PCLO: variants seen among roughly 807,000 people sequenced by gnomAD.
The protein encoded by PCLO is piccolo presynaptic cytomatrix protein, also known as protein piccolo.
A neutral mutation model predicts 427.5 loss-of-function variants in PCLO; 82 were observed. That is an observed-to-expected ratio of 0.19 (90% CI 0.16 to 0.23). The LOEUF (loss-of-function observed/expected upper bound fraction) is 0.23. Ranked by LOEUF, PCLO falls within the 10% of genes least tolerant of loss-of-function variation. PCLO has a pLI of 1.00. For synonymous variants in PCLO, 2,357 were observed against 2,155.4 expected (o/e 1.09, Z -2.59); for missense variants, 6,239 against 6,115.9 (o/e 1.02, Z -0.67).
At chr7:83,052,339 A>G (rs186606801) in intron 3 of PCLO, among the ~76,000 whole-genome samples, 1 of 152,086 alleles carries the variant, frequency 6.6e-6, no homozygotes, top group African/African-American at 2.4e-5. Flanking sequence ...AATAAAATCT[A>G]TTAAATAAAA....
chr7:82,847,548 A>G (rs1300149540), intron 10 of PCLO, among the ~76,000 whole-genome samples: 1 of 152,170 alleles, frequency 6.6e-6, no homozygotes, highest in Non-Finnish European at 1.5e-5. Flanking sequence ...TATTGAATAT[A>G]TATTGCTCAG....
At chr7:82,871,924 T>C (rs941370276) in intron 10 of PCLO, among the ~76,000 whole-genome samples, 5 of 151,790 alleles carry the variant, frequency 3.3e-5, no homozygotes, top group African/African-American at 1.2e-4. Flanking sequence ...AAAACTAAAA[T>C]ATGAACTTTC....
chr7:83,049,249 T>G (rs1014473801), intron 3 of PCLO, among the ~76,000 whole-genome samples: 3 of 152,054 alleles, frequency 2.0e-5, no homozygotes, highest in African/African-American at 7.2e-5. Flanking sequence ...GAAAAATAAA[T>G]CCACTGACCA....
Position 83,135,079 on chromosome 7 carries a change from G to A in PCLO, c.2471C>T (p.Pro824Leu). The part of the protein sequence containing the change: ...SPFDSKAIPR[P>L]ASDSKIISHP... ...TGAAATAATTTTTGAATCTGATGCA[G>A]GTCGAGGTATGGCTTTAGAATCAAA... Residue 824 changes from proline (P) to leucine (L), a missense_variant, in exon 3 of 25, where the codon CCT (proline) becomes CTT (leucine). Pro to Leu is a moderately conservative substitution (Grantham distance 98, BLOSUM62 -3). Around this residue, in one of 5 missense-constraint regions of PCLO, gnomAD observed 4,677 missense variants for 4,468.4 expected, o/e 1.05. Transcript: ENST00000333891. 1.2e-6 allele frequency: 2 copies of A among 1,613,932 alleles called. No homozygotes were observed. The highest frequency in any genetic ancestry group is 1.7e-6 in the Non-Finnish European group (2 of 1,179,870).
chr7:83,112,207 G>A (rs1221142443), intron 3 of PCLO, among the ~76,000 whole-genome samples: 1 of 151,924 alleles, frequency 6.6e-6, no homozygotes. Flanking sequence ...ACAAGTGCCC[G>A]CCACCACACC....
intron 3 of PCLO, among the ~76,000 whole-genome samples, chr7:83,060,123 G>A (rs887862956): frequency 6.6e-6 from 1 of 152,172 alleles, no homozygotes; most frequent in Admixed American, 6.5e-5. Context: ...AGACTGCAGA[G>A]ACAGCAGGTA....
chr7:82,802,001 G>T (rs1791363720), intron 21 of PCLO, among the ~76,000 whole-genome samples: 1 of 151,240 alleles, frequency 6.6e-6, no homozygotes, highest in Non-Finnish European at 1.5e-5. Context: ...AGTTTTTTTG[G>T]TAAAAAGAGC....
chr7:82,961,421 T>C (rs534607439), intron 4 of PCLO, among the ~76,000 whole-genome samples: 3 of 152,144 alleles, frequency 2.0e-5, no homozygotes, highest in African/African-American at 7.2e-5. Flanking sequence ...TTTCTCCCCA[T>C]GGGGAATGTT....
At chr7:82,930,784 C>A (rs1172821352) in intron 6 of PCLO, among the ~76,000 whole-genome samples, 3 of 152,110 alleles carry the variant, frequency 2.0e-5, no homozygotes, top group Non-Finnish European at 2.9e-5. Flanking sequence ...AAAAATGTTT[C>A]ATTAATCTTT....
intron 3 of PCLO, among the ~76,000 whole-genome samples, chr7:83,026,098 A>T (rs1375449504): frequency 2.0e-5 from 3 of 152,082 alleles, no homozygotes. Flanking sequence ...AAATTCACAC[A>T]TAACAATATT....
In PCLO at chr7:83,146,443, C is replaced by A. The variant is rs373802810; in HGVS notation, c.1893+8305G>T. Among the ~76,000 whole-genome samples the A allele has an allele frequency of 9.2e-5, 14 of 152,054 alleles. No homozygotes were observed. In the East Asian group the frequency reaches 1.2e-3, roughly 13 times the overall value. On this transcript the variant is annotated intron_variant, in intron 2 of 24. Transcript: ENST00000333891. ...ATTTCTAAATGGAGCTTATATTTATCTAAACTAAGATTAAGATACCAAGAG... is the reference window on the plus strand; with the variant it reads ...ATTTCTAAATGGAGCTTATATTTATATAAACTAAGATTAAGATACCAAGAG...
intron 3 of PCLO, among the ~76,000 whole-genome samples, chr7:82,982,972 G>A (rs985899317): frequency 2.0e-5 from 3 of 151,486 alleles, no homozygotes; most frequent in Admixed American, 2.0e-4. Flanking sequence ...TTTCTCACCT[G>A]TGATTGGGAA....
chr7:82,970,226 C>T (rs936658303), intron 3 of PCLO, among the ~76,000 whole-genome samples: 1 of 151,958 alleles, frequency 6.6e-6, no homozygotes, highest in Non-Finnish European at 1.5e-5. Context: ...GTTGAAGAGG[C>T]AAGTTGAGAT....
intron 3 of PCLO, among the ~76,000 whole-genome samples, chr7:83,039,315 T>G (rs888951498): frequency 6.6e-6 from 1 of 152,058 alleles, no homozygotes; most frequent in African/African-American, 2.4e-5. Flanking sequence ...GACTTTCCCC[T>G]ATGTTTCCTT....
At chr7:82,813,612 C>T (rs1791617557) in intron 20 of PCLO, among the ~76,000 whole-genome samples, 1 of 151,642 alleles carries the variant, frequency 6.6e-6, no homozygotes, top group East Asian at 1.9e-4. Context: ...ATAAATATTA[C>T]TAGCATGAGA....
At chr7:83,131,266 C>T (rs1791564794) in intron 3 of PCLO, among the ~76,000 whole-genome samples, 1 of 152,162 alleles carries the variant, frequency 6.6e-6, no homozygotes, top group Non-Finnish European at 1.5e-5. Flanking sequence ...GGGCATCAAT[C>T]AGTTAAACAG....
At chr7:83,084,229 G>A (rs1183152143) in intron 3 of PCLO, among the ~76,000 whole-genome samples, 1 of 151,800 alleles carries the variant, frequency 6.6e-6, no homozygotes, top group East Asian at 1.9e-4. Context: ...TATGAATTTT[G>A]GAATTGGACT....
intron 10 of PCLO, among the ~76,000 whole-genome samples, chr7:82,872,506 A>G (rs1263878809): frequency 2.6e-5 from 4 of 152,100 alleles, no homozygotes; most frequent in Non-Finnish European, 4.4e-5. Context: ...ATGTAAAAAC[A>G]GTATGAAACA....
At chr7:83,093,157 AAT>A (rs1225055675) in intron 3 of PCLO, among the ~76,000 whole-genome samples, 2 of 151,846 alleles carry the variant, frequency 1.3e-5, no homozygotes, top group African/African-American at 4.8e-5. Flanking sequence ...AATGCAGAAA[AAT>A]ATTATTTCAC....
Sources: allele counts gnomAD v4.1 joint callset (sites outside exome capture counted in the v4.1 genomes callset), GRCh38; gene constraint gnomAD v4.1.1; regional missense constraint gnomAD v4.1.1; transcripts MANE v1.5; gene names NCBI Gene and HGNC (gene_info 2026-07-23, HGNC 2026-07-21).